Variants in SIPA1L3 observed in about 807,000 individuals in gnomAD.
The protein encoded by SIPA1L3 is signal induced proliferation associated 1 like 3, also known as signal-induced proliferation-associated 1-like protein 3.
A neutral mutation model predicts 150.1 loss-of-function variants in SIPA1L3; 59 were observed. That is an observed-to-expected ratio of 0.39 (90% CI 0.32 to 0.49). The LOEUF is 0.49. Among genes scored for constraint, SIPA1L3 ranks in the 20% least tolerant of loss-of-function variants. The pLI, the probability that SIPA1L3 is intolerant of heterozygous loss-of-function variation, is 0.86. For synonymous variants in SIPA1L3, 1,070 were observed against 1,077.6 expected (o/e 0.99, Z 0.14); for missense variants, 2,211 against 2,489.5 (o/e 0.89, Z 2.38).
chr19:38,130,282 C>T (rs1482844877), intron 9 of SIPA1L3, among the ~76,000 whole-genome samples: 3 of 152,234 alleles, frequency 2.0e-5, no homozygotes, highest in Non-Finnish European at 4.4e-5. Flanking sequence ...TTAGAAGCCA[C>T]GGGGTCGCAT....
chr19:38,117,179 A>C (rs1449051761), intron 8 of SIPA1L3, among the ~76,000 whole-genome samples: 1 of 152,070 alleles, frequency 6.6e-6, no homozygotes, highest in African/African-American at 2.4e-5. Flanking sequence ...CCAGTTTCTG[A>C]CCCATCCAGG....
At chr19:37,919,583 G>A (rs1347178586) in intron 1 of SIPA1L3, among the ~76,000 whole-genome samples, 1 of 152,046 alleles carries the variant, frequency 6.6e-6, no homozygotes, top group East Asian at 1.9e-4. Flanking sequence ...ACAGACAGAC[G>A]AACAGATGGG....
At chr19:38,062,157 C>G (rs143528634) in intron 2 of SIPA1L3, among the ~76,000 whole-genome samples, 86 of 152,154 alleles carry the variant, frequency 5.7e-4, no homozygotes, top group African/African-American at 1.9e-3. Flanking sequence ...GCACTTACCC[C>G]CTCTGGTACA....
chr19:37,978,333 G>C (rs1371786012), intron 1 of SIPA1L3, among the ~76,000 whole-genome samples: 1 of 152,210 alleles, frequency 6.6e-6, no homozygotes, highest in Non-Finnish European at 1.5e-5. Flanking sequence ...GTTATGTTTA[G>C]GGCCTTCCTT....
intron 1 of SIPA1L3, among the ~76,000 whole-genome samples, chr19:37,942,514 G>A (rs1739309049): frequency 6.9e-6 from 1 of 145,322 alleles, no homozygotes; most frequent in African/African-American, 2.6e-5. Context: ...GTGAAGGAGT[G>A]TGGGGTGGGG....
chr19:38,128,120 T>C (rs1971221523), intron 9 of SIPA1L3, among the ~76,000 whole-genome samples: 1 of 145,066 alleles, frequency 6.9e-6, no homozygotes, highest in African/African-American at 2.6e-5. Flanking sequence ...AGTAGCGTGA[T>C]CTCGGCTCAC....
At chr19:38,196,012 C>G (rs1330381700) in intron 18 of SIPA1L3, among the ~76,000 whole-genome samples, 1 of 152,120 alleles carries the variant, frequency 6.6e-6, no homozygotes, top group Non-Finnish European at 1.5e-5. Flanking sequence ...CCTTCTCTGT[C>G]CATCTGACTC....
intron 1 of SIPA1L3, among the ~76,000 whole-genome samples, chr19:37,928,162 A>G (rs2046523138): frequency 6.6e-6 from 1 of 152,146 alleles, no homozygotes; most frequent in African/African-American, 2.4e-5. Flanking sequence ...TGGCTGAGCT[A>G]ATTTACATTC....
At chr19:38,036,961 G>A (rs913881000) in intron 2 of SIPA1L3, among the ~76,000 whole-genome samples, 11 of 152,184 alleles carry the variant, frequency 7.2e-5, no homozygotes, top group African/African-American at 2.4e-4. Context: ...CCTGCACCCA[G>A]AACTGTCACA....
chr19:37,978,293 C>T (rs1047924805), intron 1 of SIPA1L3, among the ~76,000 whole-genome samples: 21 of 152,300 alleles, frequency 1.4e-4, no homozygotes, highest in Admixed American at 1.0e-3. Flanking sequence ...TGGGACTGGG[C>T]GGGCTCTCTA....
chr19:38,142,988 C>T (rs765825590), intron 12 of SIPA1L3, among the ~76,000 whole-genome samples: 5 of 152,166 alleles, frequency 3.3e-5, no homozygotes, highest in Admixed American at 2.0e-4. Flanking sequence ...CTATCCAGCA[C>T]GGCCATGCAT....
intron 1 of SIPA1L3, among the ~76,000 whole-genome samples, chr19:37,924,197 A>AT (rs1020539570): frequency 1.3e-4 from 19 of 151,844 alleles, no homozygotes; most frequent in African/African-American, 4.6e-4. Flanking sequence ...TTCCGTTTTT[A>AT]TTTTTTTGCT....
chr19:37,962,973 T>TCC, intron 1 of SIPA1L3, among the ~76,000 whole-genome samples: 1 of 152,234 alleles, frequency 6.6e-6, no homozygotes, highest in Non-Finnish European at 1.5e-5. Context: ...CTCTTTTCTC[T>TCC]TTTAAAAAAA....
intron 1 of SIPA1L3, among the ~76,000 whole-genome samples, chr19:38,021,877 G>T (rs1000054348): frequency 6.6e-6 from 1 of 152,188 alleles, no homozygotes; most frequent in African/African-American, 2.4e-5. Flanking sequence ...GAGGAGAGGG[G>T]AAATGCTTCT....
chr19:38,027,066 C>T (rs985059360), intron 1 of SIPA1L3, among the ~76,000 whole-genome samples: 3 of 152,096 alleles, frequency 2.0e-5, no homozygotes, highest in Admixed American at 6.6e-5. Flanking sequence ...CCAAGGTGGG[C>T]GGATCGCTTG....
At chr19:37,979,851 C>T (rs1180250053) in intron 1 of SIPA1L3, among the ~76,000 whole-genome samples, 1 of 152,216 alleles carries the variant, frequency 6.6e-6, no homozygotes, top group East Asian at 1.9e-4. Flanking sequence ...AAAAGCAGAG[C>T]CCAGCTGCAA....
intron 4 of SIPA1L3, among the ~76,000 whole-genome samples, chr19:38,098,185 GA>G (rs1400870589): frequency 3.3e-5 from 5 of 152,164 alleles, no homozygotes; most frequent in Non-Finnish European, 7.3e-5. Flanking sequence ...CAAAGCGATA[GA>G]AAACCTGACT....
At chr19:37,980,633 G>A (rs1358017899) in intron 1 of SIPA1L3, among the ~76,000 whole-genome samples, 4 of 152,056 alleles carry the variant, frequency 2.6e-5, no homozygotes, top group East Asian at 3.9e-4. Flanking sequence ...GGGGCCCGTC[G>A]AGGCATGAAG....
rs116459825 is a variant in SIPA1L3 at position 38,205,728 on chromosome 19, G to A, written c.5203-369G>A. Among the ~76,000 whole-genome samples, 441 of 152,242 alleles carry A rather than the reference G, an allele frequency of 2.9e-3. 4 individuals are homozygous for A. Among genetic ancestry groups the A allele is most frequent in the African/African-American group, 9.9e-3 (412 of 41,550 alleles). Reference sequence around the variant, plus strand: ...AGCTCCCCACTTGCTGTGTGAGGCTGGGGTCCTCTTCCAGGAAACTAGGGA... The same window carrying A: ...AGCTCCCCACTTGCTGTGTGAGGCTAGGGTCCTCTTCCAGGAAACTAGGGA... On this transcript the variant is annotated intron_variant, in intron 21 of 21. Coordinates refer to ENST00000222345, the MANE Select transcript of SIPA1L3 (RefSeq NM_015073.3).
Sources: gnomAD v4.1 joint callset for allele counts (sites outside exome capture counted in the v4.1 genomes callset) on GRCh38, gnomAD v4.1.1 for gene constraint, MANE v1.5 for transcripts, NCBI Gene and HGNC (gene_info 2026-07-23, HGNC 2026-07-21) for gene names.